The following ARHGEF28 variants were observed in gnomAD, a reference collection of about 807,000 sequenced individuals.
ARHGEF28 encodes 190 kDa guanine nucleotide exchange factor.
ARHGEF28 carries 152 observed loss-of-function variants against 206.6 expected under a neutral mutation model. That is an observed-to-expected ratio of 0.74 (90% CI 0.64 to 0.84). The LOEUF (loss-of-function observed/expected upper bound fraction) is 0.84. ARHGEF28 is among the 40% of genes least tolerant of loss of function. ARHGEF28 has a pLI of 0.00. For synonymous variants in ARHGEF28, 763 were observed against 776.4 expected (o/e 0.98, Z 0.29); for missense variants, 2,028 against 2,073.2 (o/e 0.98, Z 0.42).
intron 2 of ARHGEF28, among the ~76,000 whole-genome samples, chr5:73,721,960 G>T (rs1293762351): frequency 6.6e-6 from 1 of 152,082 alleles, no homozygotes; most frequent in African/African-American, 2.4e-5. Context: ...CTCAGTGTTG[G>T]CCCCACCCTA....
chr5:73,893,269 C>G lies in ARHGEF28; in HGVS notation c.3639C>G (p.Ala1213=), dbSNP rs748730687. The change falls in exon 28 of 36, where the codon GCC becomes GCG. Residue 1213 remains alanine, a synonymous_variant. Coordinates refer to ENST00000513042, the MANE Select transcript of ARHGEF28 (RefSeq NM_001177693.2). ...AGAGGAAAGCTGAAGCCAGAGTGGCCAAAATTCAGCAATGTCAAGGTACAG... is the reference window on the plus strand; with the variant it reads ...AGAGGAAAGCTGAAGCCAGAGTGGCGAAAATTCAGCAATGTCAAGGTACAG... ...EDKRKAEARV[A]KIQQCQEILT... The G allele has an allele frequency of 6.4e-7, 1 of 1,554,456 alleles. No individual in the cohort carries two copies. Among genetic ancestry groups the G allele is most frequent in the Non-Finnish European group, 8.7e-7 (1 of 1,149,306 alleles).
At chr5:73,658,954 C>A (rs143430634) in intron 1 of ARHGEF28, among the ~76,000 whole-genome samples, 1,597 of 131,168 alleles carry the variant, frequency 0.012, 14 homozygotes, top group Non-Finnish European at 0.016. Flanking sequence ...GTCTGTGATG[C>A]ATGCAGGTAC....
intron 35 of ARHGEF28, among the ~76,000 whole-genome samples, chr5:73,923,462 G>A (rs694610): frequency 0.29 from 43,420 of 152,036 alleles, 8,172 homozygotes; most frequent in African/African-American, 0.52. Context: ...AGAAGTTATC[G>A]TTGGTCTTGG....
At chr5:73,725,743 C>T (rs532910833) in intron 2 of ARHGEF28, among the ~76,000 whole-genome samples, 12 of 152,232 alleles carry the variant, frequency 7.9e-5, no homozygotes, top group East Asian at 1.9e-4. Context: ...GTAATTCATT[C>T]ACATGCCTGA....
chr5:73,700,806 A>G (rs902939911), intron 2 of ARHGEF28, among the ~76,000 whole-genome samples: 1 of 152,220 alleles, frequency 6.6e-6, no homozygotes, highest in Non-Finnish European at 1.5e-5. Flanking sequence ...GGTCTGAAAG[A>G]AAATTAAAAA....
At chr5:73,630,967 GTCA>G (rs1399276893) in intron 1 of ARHGEF28, among the ~76,000 whole-genome samples, 3 of 152,176 alleles carry the variant, frequency 2.0e-5, no homozygotes, top group Admixed American at 1.3e-4. Flanking sequence ...CTACCAGACA[GTCA>G]TCAGGTTTAA....
intron 2 of ARHGEF28, among the ~76,000 whole-genome samples, chr5:73,692,774 T>G (rs1231736310): frequency 6.6e-6 from 1 of 152,184 alleles, no homozygotes; most frequent in Non-Finnish European, 1.5e-5. Context: ...AGCTTCTTAT[T>G]GAGGTAGTAA....
At chr5:73,749,500 C>G (rs528378542) in intron 2 of ARHGEF28, among the ~76,000 whole-genome samples, 102 of 152,250 alleles carry the variant, frequency 6.7e-4, no homozygotes, top group African/African-American at 1.9e-3. Flanking sequence ...GACCCTGTCT[C>G]TAAAAATAAT....
At chr5:73,895,286 G>A (rs1454981567) in intron 29 of ARHGEF28, among the ~76,000 whole-genome samples, 1 of 152,182 alleles carries the variant, frequency 6.6e-6, no homozygotes, top group African/African-American at 2.4e-5. Context: ...CATTGGAGAT[G>A]AGAAAGTCCA....
chr5:73,941,009 T>A lies in ARHGEF28; in HGVS notation c.5114T>A (p.Leu1705His), dbSNP rs1169086147. ...GGAGCCAAAGAAAATATTGTTTACC[T>A]CTAATTGTGTTGTCATTTTTCCAAA... is the stretch of plus-strand genomic sequence containing the variant. Reference protein sequence around the residue: ...GDGAKENIVYL With the variant: ...GDGAKENIVYH Residue 1705 changes from leucine (L) to histidine (H), a missense_variant, in exon 36 of 36, where the codon CTC becomes CAC. Around this residue, in one of 3 missense-constraint regions of ARHGEF28, gnomAD observed 803 missense variants for 768.0 expected, o/e 1.05. Coordinates refer to ENST00000513042, the MANE Select transcript of ARHGEF28 (RefSeq NM_001177693.2). 1.3e-6 allele frequency: 2 copies of A among 1,487,232 alleles called. No homozygotes were observed. The highest frequency in any genetic ancestry group is 2.5e-5 in the Admixed American group (1 of 39,646). The allele number at this position is 1,487,232 out of a possible 1,614,324, so 92.1% of individuals were successfully genotyped here. A position where few individuals can be genotyped will look rare whatever the true frequency, so the allele number is the denominator to read the frequency against.
At chr5:73,925,249 G>A (rs1346192979) in intron 35 of ARHGEF28, among the ~76,000 whole-genome samples, 3 of 152,054 alleles carry the variant, frequency 2.0e-5, no homozygotes, top group African/African-American at 4.8e-5. Context: ...TCTCAGCCTC[G>A]GCTCATGCTG....
At chr5:73,633,570 AT>A (rs764440038) in intron 1 of ARHGEF28, among the ~76,000 whole-genome samples, 5,083 of 101,046 alleles carry the variant, frequency 0.05, 96 homozygotes, top group African/African-American at 0.18. Flanking sequence ...AATACCTTTA[AT>A]TTTTTTTTTT....
At chr5:73,720,110 G>A (rs1409272231) in intron 2 of ARHGEF28, among the ~76,000 whole-genome samples, 1 of 152,218 alleles carries the variant, frequency 6.6e-6, no homozygotes, top group Non-Finnish European at 1.5e-5. Flanking sequence ...GTATATTAAG[G>A]TGCTTTGAGT....
intron 9 of ARHGEF28, among the ~76,000 whole-genome samples, chr5:73,806,354 A>G (rs1240742564): frequency 7.0e-5 from 8 of 114,266 alleles, no homozygotes; most frequent in Non-Finnish European, 1.2e-4. Context: ...ATGTAGATAT[A>G]CTATCTATCT....
At chr5:73,645,135 C>T (rs940711233) in intron 1 of ARHGEF28, among the ~76,000 whole-genome samples, 4 of 152,018 alleles carry the variant, frequency 2.6e-5, no homozygotes, top group Non-Finnish European at 5.9e-5. Flanking sequence ...ATTTAAGCAA[C>T]TTGGTTAGGG....
rs138071197 is a variant in ARHGEF28, at chr5:73,896,489, C to G, written c.3842-1473C>G. Among the ~76,000 whole-genome samples the G allele has an allele frequency of 3.3e-5, 5 of 152,230 alleles. No individual in the cohort carries two copies. In the East Asian group the frequency reaches 9.6e-4, roughly 29 times the overall value. ...CTTTTAATCATGGGTGTGGCATGAT[C>G]TTATTTATGTCTTAAAACACTGGCT... On this transcript the variant is annotated intron_variant, in intron 29 of 35. Coordinates refer to ENST00000513042, the MANE Select transcript of ARHGEF28 (RefSeq NM_001177693.2).
chr5:73,629,233 C>T (rs1743206835), intron 1 of ARHGEF28, among the ~76,000 whole-genome samples: 1 of 151,962 alleles, frequency 6.6e-6, no homozygotes, highest in East Asian at 1.9e-4. Flanking sequence ...GGTGGTGGCT[C>T]ATGCACATAA....
intron 7 of ARHGEF28, among the ~76,000 whole-genome samples, chr5:73,783,783 C>T (rs969469988): frequency 6.6e-6 from 1 of 152,074 alleles, no homozygotes; most frequent in East Asian, 1.9e-4. Flanking sequence ...ACAAAATATA[C>T]GTTCAGTTTT....
intron 2 of ARHGEF28, among the ~76,000 whole-genome samples, chr5:73,742,585 G>A (rs1255726044): frequency 6.6e-6 from 1 of 151,560 alleles, no homozygotes; most frequent in Admixed American, 6.6e-5. Flanking sequence ...AGCACTTTGG[G>A]AGGCCGAGGC....
Sources: allele counts gnomAD v4.1 joint callset (sites outside exome capture counted in the v4.1 genomes callset), GRCh38; gene constraint gnomAD v4.1.1; regional missense constraint gnomAD v4.1.1; transcripts MANE v1.5; gene names NCBI Gene and HGNC (gene_info 2026-07-23, HGNC 2026-07-21).